PDZRN4: variants seen among roughly 807,000 people sequenced by gnomAD.
PDZRN4 encodes PDZ domain-containing RING finger protein 4.
A neutral mutation model predicts 99.0 loss-of-function variants in PDZRN4; 70 were observed. That is an observed-to-expected ratio of 0.71 (90% confidence interval 0.58 to 0.86). The LOEUF is 0.86. PDZRN4 is among the 40% of genes least tolerant of loss of function. The probability of loss-of-function intolerance (pLI) is 0.00; values close to 1 mark genes in which losing one functional copy is unlikely to be tolerated. For missense variants in PDZRN4, 1,474 were observed against 1,331.2 expected (o/e 1.11, Z -1.67); for synonymous variants, 551 against 501.6 (o/e 1.10, Z -1.32).
At chr12:41,303,441 A>G (rs892822890) in intron 3 of PDZRN4, among the ~76,000 whole-genome samples, 1 of 152,136 alleles carries the variant, frequency 6.6e-6, no homozygotes, top group Admixed American at 6.5e-5. Flanking sequence ...AAACTTTTGC[A>G]TCTCTGCATA....
At chr12:41,366,363 G>T (rs911241941) in intron 3 of PDZRN4, among the ~76,000 whole-genome samples, 1 of 152,068 alleles carries the variant, frequency 6.6e-6, no homozygotes, top group Admixed American at 6.6e-5. Flanking sequence ...AATTTATCTT[G>T]ATAAAGGACA....
Position 41,424,219 on chromosome 12 carries a change from A to G in PDZRN4, c.844-82237A>G, listed in dbSNP as rs117818371. On this transcript the variant is annotated intron_variant, in intron 3 of 9. Coordinates refer to ENST00000402685, the MANE Select transcript of PDZRN4 (RefSeq NM_001164595.2). ...TGCAATCTTAAGCCAGTTAAAATGC[A>G]AACTTCCTCTGAGAGTTCATATTTC... 8.8e-3 allele frequency among the ~76,000 whole-genome samples: 1,343 copies of G among 152,306 alleles called. 13 individuals are homozygous for G. Among genetic ancestry groups the G allele is most frequent in the Non-Finnish European group, 0.014 (966 of 68,028 alleles).
At chr12:41,341,312 C>T (rs184471846) in intron 3 of PDZRN4, among the ~76,000 whole-genome samples, 1 of 151,802 alleles carries the variant, frequency 6.6e-6, no homozygotes. Context: ...AAGGTGCCTA[C>T]TTTTACCACT....
In PDZRN4 at chr12:41,507,544, C is replaced by G. The variant is rs145353300; in HGVS notation, c.1100+832C>G. On this transcript the variant is annotated intron_variant, in intron 4 of 9. Coordinates refer to ENST00000402685, the MANE Select transcript of PDZRN4 (RefSeq NM_001164595.2). ...ATGCCACTTTCCTGCCCTTTGATGGCTGGCTCCCATAAGCCCGTTTCAGTG... is the reference window on the plus strand; with the variant it reads ...ATGCCACTTTCCTGCCCTTTGATGGGTGGCTCCCATAAGCCCGTTTCAGTG... 7.5e-3 allele frequency among the ~76,000 whole-genome samples: 1,143 copies of G among 152,254 alleles called. 18 individuals are homozygous for G. The highest frequency in any genetic ancestry group is 0.025 in the African/African-American group (1,044 of 41,568).
chr12:41,335,182 G>GGCAA (rs1281651531), intron 3 of PDZRN4, among the ~76,000 whole-genome samples: 1 of 123,906 alleles, frequency 8.1e-6, no homozygotes, highest in Non-Finnish European at 1.8e-5. Context: ...TTAGAATATT[G>GGCAA]ACAAAGTGTT....
chr12:41,472,794 A>T (rs1460673591), intron 3 of PDZRN4, among the ~76,000 whole-genome samples: 1 of 152,232 alleles, frequency 6.6e-6, no homozygotes. Flanking sequence ...TAGAATAGCT[A>T]AATAACTTTC....
At chr12:41,252,928 G>A (rs929086843) in intron 3 of PDZRN4, among the ~76,000 whole-genome samples, 22 of 152,076 alleles carry the variant, frequency 1.4e-4, no homozygotes, top group Non-Finnish European at 3.1e-4. Flanking sequence ...CTTAAAATGG[G>A]TATATTTTAT....
chr12:41,212,328 C>A (rs961475164), intron 3 of PDZRN4, among the ~76,000 whole-genome samples: 2 of 151,848 alleles, frequency 1.3e-5, no homozygotes, highest in African/African-American at 4.8e-5. Context: ...GTTTGTGAAC[C>A]AGTAGTTATG....
chr12:41,476,420 A>T (rs1273541722), intron 3 of PDZRN4, among the ~76,000 whole-genome samples: 1 of 152,220 alleles, frequency 6.6e-6, no homozygotes, highest in Non-Finnish European at 1.5e-5. Flanking sequence ...AAAATTAACT[A>T]GTGTTTAAAT....
intron 3 of PDZRN4, among the ~76,000 whole-genome samples, chr12:41,271,123 TATCTC>T (rs1951311897): frequency 6.6e-6 from 1 of 152,116 alleles, no homozygotes; most frequent in Admixed American, 6.6e-5. Flanking sequence ...TAAATATTCT[TATCTC>T]ATCAGCTTAA....
At chr12:41,494,587 AT>A (rs35164071) in intron 3 of PDZRN4, among the ~76,000 whole-genome samples, 18,169 of 149,108 alleles carry the variant, frequency 0.12, 1,142 homozygotes, top group African/African-American at 0.16. Flanking sequence ...CATTTACTTT[AT>A]TTTTTTTTTG....
intron 9 of PDZRN4, among the ~76,000 whole-genome samples, chr12:41,571,372 T>TCACACACA (rs1555154803): frequency 3.9e-5 from 4 of 103,722 alleles, no homozygotes; most frequent in African/African-American, 2.1e-4. Context: ...TCTCTCTCTC[T>TCACACACA]CTCTCACACA....
At chr12:41,547,498 C>T (rs1377666745) in intron 5 of PDZRN4, among the ~76,000 whole-genome samples, 3 of 152,032 alleles carry the variant, frequency 2.0e-5, no homozygotes, top group Non-Finnish European at 4.4e-5. Context: ...TGGTGGCAGG[C>T]ACCTGTAATC....
At position 41,552,323 on chromosome 12, in the gene PDZRN4, T is replaced by A. The variant is rs565962882; in HGVS notation, c.1204-333T>A. Among the ~76,000 whole-genome samples, 125 of 152,310 alleles carry A rather than the reference T, an allele frequency of 8.2e-4. 1 individual carries two copies. Among genetic ancestry groups the A allele is most frequent in the African/African-American group, 2.2e-3 (92 of 41,576 alleles). On this transcript the variant is annotated intron_variant, in intron 5 of 9. Transcript: ENST00000402685. Reference sequence around the variant, plus strand: ...TTGCCACTAACTTTGACATTCTCAATTATTTTATTGATTCCAGTGTATTCA... The same window carrying A: ...TTGCCACTAACTTTGACATTCTCAAATATTTTATTGATTCCAGTGTATTCA...
At chr12:41,482,366 T>C (rs940579182) in intron 3 of PDZRN4, among the ~76,000 whole-genome samples, 2 of 151,958 alleles carry the variant, frequency 1.3e-5, no homozygotes, top group Non-Finnish European at 2.9e-5. Context: ...AAAAGAAAAA[T>C]CTGAAATATT....
rs185208910 is a variant in PDZRN4, at chr12:41,240,970, G to T, written c.843+46782G>T. Among the ~76,000 whole-genome samples the T allele has an allele frequency of 2.6e-5, 4 of 152,150 alleles. No individual in the cohort carries two copies. The East Asian group carries it at 7.7e-4, about 29-fold the overall frequency. ...TCTCTTGACCTACTAATTCTGTATTGATTATGGATTATGAAGTTTTAGAGT... is the reference window on the plus strand; with the variant it reads ...TCTCTTGACCTACTAATTCTGTATTTATTATGGATTATGAAGTTTTAGAGT... On this transcript the variant is annotated intron_variant, in intron 3 of 9. Coordinates refer to ENST00000402685, the MANE Select transcript of PDZRN4 (RefSeq NM_001164595.2).
intron 3 of PDZRN4, among the ~76,000 whole-genome samples, chr12:41,254,983 A>G (rs1240976383): frequency 6.6e-6 from 1 of 152,182 alleles, no homozygotes; most frequent in Non-Finnish European, 1.5e-5. Context: ...GGGAGGCTGA[A>G]GTGGGAGGAT....
At chr12:41,362,716 A>C (rs1951972868) in intron 3 of PDZRN4, among the ~76,000 whole-genome samples, 1 of 152,014 alleles carries the variant, frequency 6.6e-6, no homozygotes, top group East Asian at 1.9e-4. Flanking sequence ...TGTCCAGGGA[A>C]GTGATGGGAA....
At chr12:41,437,898 A>G (rs1359909180) in intron 3 of PDZRN4, 1 of 1,613,616 alleles carries the variant, frequency 6.2e-7, no homozygotes, top group African/African-American at 1.3e-5. Flanking sequence ...CTTGCCTTTC[A>G]GTTCTGGGGA....
Sources: allele counts gnomAD v4.1 joint callset (sites outside exome capture counted in the v4.1 genomes callset), GRCh38; gene constraint gnomAD v4.1.1; transcripts MANE v1.5; gene names NCBI Gene and HGNC (gene_info 2026-07-23, HGNC 2026-07-21).